SLC30A3: variants seen among roughly 807,000 people sequenced by gnomAD.
SLC30A3 encodes solute carrier family 30 member 3, also known as probable proton-coupled zinc antiporter SLC30A3.
SLC30A3 carries 20 observed loss-of-function variants against 35.6 expected under a neutral mutation model. The ratio of observed to expected loss-of-function variants is 0.56; its 90% CI spans 0.39 to 0.82. SLC30A3 has a LOEUF of 0.82. SLC30A3 is among the 40% of genes least tolerant of loss of function. The pLI is 0.00. For missense variants in SLC30A3, 401 were observed against 530.6 expected, an observed-to-expected ratio of 0.76 and a Z score of 2.40; for synonymous variants, 217 against 224.7, an observed-to-expected ratio of 0.97 and a Z score of 0.31.
upstream of SLC30A3, among the ~76,000 whole-genome samples, chr2:27,264,909 C>T (rs1240923862): frequency 5.9e-5 from 9 of 152,210 alleles, no homozygotes; most frequent in Admixed American, 5.2e-4. The surrounding 1 kb of genome is among the most constrained non-coding windows in gnomAD (Gnocchi z 6.1). Flanking sequence ...CCGGCGCCGT[C>T]GGTTTTCTAA....
Position 27,258,989 on chromosome 2 carries a change from C to T in SLC30A3, c.96-55G>A. On this transcript the variant is annotated intron_variant, in intron 1 of 7. Transcript: ENST00000233535. The surrounding 1 kb of genome is among the most constrained non-coding windows in gnomAD (Gnocchi z 4.0). The stretch of plus-strand genomic sequence containing the variant: ...CCTGGCCCACAGGCTGGCCTGCTCA[C>T]TCCACGTCCTTAGTCCCCAGTGCTG... 7.0e-7 allele frequency: 1 copy of T among 1,419,214 alleles called. No homozygotes were observed. The highest frequency in any genetic ancestry group is 1.4e-5 in the South Asian group (1 of 72,454). The allele number at this position is 1,419,214 out of a possible 1,614,324, so 87.9% of individuals were successfully genotyped here.
chr2:27,259,632 T>C (rs754921048), intron 1 of SLC30A3, among the ~76,000 whole-genome samples: 172 of 152,200 alleles, frequency 1.1e-3, no homozygotes, highest in Middle Eastern at 3.4e-3. Flanking sequence ...GGATTATAGG[T>C]GTGAGCCACC....
Position 27,258,694 on chromosome 2 carries a change from G to A in SLC30A3, c.277+59C>T, listed in dbSNP as rs1677011332. On this transcript the variant is annotated intron_variant, in intron 2 of 7. Coordinates refer to ENST00000233535, the MANE Select transcript of SLC30A3 (RefSeq NM_003459.5). The surrounding 1 kb of genome is among the most constrained non-coding windows in gnomAD (Gnocchi z 4.0). ...CAGGAACATTCCTGGGACTCTGGGT[G>A]GAGAGTGGCTTGGGCAGGTATTTGG... The A allele has an allele frequency of 6.4e-7, 1 of 1,561,544 alleles. No homozygotes were observed. The highest frequency in any genetic ancestry group is 8.8e-7 in the Non-Finnish European group (1 of 1,134,518).
chr2:27,259,028 A>G, intron 1 of SLC30A3, 94 bp from the exon 2 acceptor site: 1 of 1,001,806 alleles, frequency 1.0e-6, no homozygotes, highest in East Asian at 2.6e-5. Context: ...TCATCAGACC[A>G]TCTCCTTCCC....
intron 1 of SLC30A3, 95 bp from the exon 2 acceptor site, chr2:27,259,029 TCTC>T: frequency 3.0e-6 from 3 of 996,490 alleles, no homozygotes; most frequent in Non-Finnish European, 4.4e-6. Context: ...CATCAGACCA[TCTC>T]CTTCCCCAGG....
chr2:27,267,585 CT>C (rs1031960200), upstream of SLC30A3, among the ~76,000 whole-genome samples: 8 of 152,198 alleles, frequency 5.3e-5, no homozygotes, highest in African/African-American at 1.9e-4. Context: ...TCCTCACATG[CT>C]TCAGGTCTTG....
rs1384702067 is a variant in SLC30A3 at position 27,262,431 on chromosome 2, G to A, written c.95+381C>T. ...GAGGGAGCTCTGAAGCCTGGGCAGC[G>A]AGGCGCTCCCGCCCTGGGCCCGGGG... On this transcript the variant is annotated intron_variant, in intron 1 of 7. Coordinates refer to ENST00000233535, the MANE Select transcript of SLC30A3 (RefSeq NM_003459.5). The surrounding 1 kb of genome is among the most constrained non-coding windows in gnomAD (Gnocchi z 7.5). Among the ~76,000 whole-genome samples the A allele has an allele frequency of 6.6e-6, 1 of 151,944 alleles. No individual in the cohort carries two copies. The highest frequency in any genetic ancestry group is 1.5e-5 in the Non-Finnish European group (1 of 67,948).
At position 27,257,953 on chromosome 2, in the gene SLC30A3, C is replaced by G. The variant is rs1676961227; in HGVS notation, c.530G>C (p.Gly177Ala). The G allele has an allele frequency of 6.2e-7, 1 of 1,614,076 alleles. No homozygotes were observed. Among genetic ancestry groups the G allele is most frequent in the Non-Finnish European group, 8.5e-7 (1 of 1,180,036 alleles). ...RLLHSDYHIE[G>A]GAMLLTASIA... ...GCTGGCGGTCAGCAGCATGGCACCC[C>G]CCTCGATGTGGTAGTCGCTGTGCAG... The change falls in exon 4 of 8, where the codon GGG becomes GCG. Residue 177 changes from glycine (G) to alanine (A), a missense_variant. Gly to Ala is a moderately conservative substitution (Grantham distance 60). Coordinates refer to ENST00000233535, the MANE Select transcript of SLC30A3 (RefSeq NM_003459.5). The surrounding 1 kb of genome is among the most constrained non-coding windows in gnomAD (Gnocchi z 4.7).
chr2:27,263,179 GC>G (rs751525149), upstream of SLC30A3: 3 of 1,053,204 alleles, frequency 2.8e-6, no homozygotes, highest in East Asian at 4.1e-5. Context: ...CACTGCCAAA[GC>G]CCCATTTCCC....
Position 27,255,140 on chromosome 2 carries a change from T to C in SLC30A3, c.*172A>G. The C allele has an allele frequency of 6.4e-7, 1 of 1,562,942 alleles. No homozygotes were observed. The highest frequency in any genetic ancestry group is 1.2e-5 in the South Asian group (1 of 86,792). ...CCCACTCCCCGCCACACTTTGGTCT[T>C]GCCCACTGGGGCTGGGGCTGGGGCT... On this transcript the variant is annotated 3_prime_UTR_variant, in exon 8 of 8. Coordinates refer to ENST00000233535, the MANE Select transcript of SLC30A3 (RefSeq NM_003459.5). This position sits in a 1 kb window ranked among gnomAD's most constrained non-coding sequence, Gnocchi z 5.2.
rs138009195 is a variant in SLC30A3, at chr2:27,257,262, C to A, written c.669G>T (p.Glu223Asp). The part of the protein sequence containing the change: ...EYAPLEEGPE[E>D]PLPLGNTSVR... ...CGCTGGTGTTCCCCAGGGGCAGGGG[C>A]TCTTCAGGCCCCTCCTCCAGCGGTG... Residue 223 changes from glutamate to aspartate, a missense_variant, in exon 5 of 8, where the codon GAG becomes GAT. Glu to Asp is a conservative substitution (Grantham distance 45). Coordinates refer to ENST00000233535, the MANE Select transcript of SLC30A3 (RefSeq NM_003459.5). The surrounding 1 kb of genome is among the most constrained non-coding windows in gnomAD (Gnocchi z 4.7). 4 of 1,614,046 alleles carry A rather than the reference C, an allele frequency of 2.5e-6. No homozygotes were observed. The highest frequency in any genetic ancestry group is 2.7e-5 in the African/African-American group (2 of 75,026).
chr2:27,265,412 A>G (rs1388198298), upstream of SLC30A3, among the ~76,000 whole-genome samples: 3 of 152,256 alleles, frequency 2.0e-5, no homozygotes, highest in African/African-American at 7.2e-5. This position sits in a 1 kb window ranked among gnomAD's most constrained non-coding sequence, Gnocchi z 5.9. Flanking sequence ...AGAGCTATCA[A>G]ATGGCCCTGT....
chr2:27,257,244 G>A lies in SLC30A3; in HGVS notation c.687C>T (p.Asn229=). 2 of 1,614,084 alleles carry A rather than the reference G, an allele frequency of 1.2e-6. No individual in the cohort carries two copies. Among genetic ancestry groups the A allele is most frequent in the Non-Finnish European group, 8.5e-7 (1 of 1,179,980 alleles). ...GCACAAATGCCGCCCGGACGCTGGT[G>A]TTCCCCAGGGGCAGGGGCTCTTCAG... ...EGPEEPLPLG[N]TSVRAAFVHV... The change falls in exon 5 of 8, where the codon AAC becomes AAT. Residue 229 remains asparagine, a synonymous_variant. Transcript: ENST00000233535. The surrounding 1 kb of genome is among the most constrained non-coding windows in gnomAD (Gnocchi z 4.7).
rs1396709871 is a variant in SLC30A3, at chr2:27,275,041, GC to G, written c.-159+135del. ...GAATGATGGAGTGTCAGGAACAGGG[GC>G]ATATGAGTTGGGTCTTCCAGGTTGT... is the stretch of plus-strand genomic sequence containing the variant. On this transcript the variant is annotated intron_variant, in intron 1 of 5. Coordinates refer to the SLC30A3 transcript ENST00000424577. 3 of 427,874 alleles carry G rather than the reference GC, an allele frequency of 7.0e-6. No homozygotes were observed. In the Admixed American group the frequency reaches 8.1e-5, roughly 12 times the overall value. 26.5% of individuals were successfully genotyped at this position (427,874 alleles called of 1,614,324 possible). A position where few individuals can be genotyped will look rare whatever the true frequency, so the allele number is the denominator to read the frequency against.
chr2:27,263,077 C>T, upstream of SLC30A3: 2 of 1,349,948 alleles, frequency 1.5e-6, no homozygotes, highest in Non-Finnish European at 1.9e-6. Flanking sequence ...CTGCAGATCC[C>T]GCTGCCGCCG....
intron 6 of SLC30A3, 73 bp from the exon 7 acceptor site, chr2:27,256,593 T>G: frequency 1.3e-6 from 2 of 1,591,134 alleles, no homozygotes; most frequent in South Asian, 2.2e-5. Context: ...ACCACTGGAT[T>G]CCACCTCCCC....
At position 27,255,181 on chromosome 2, in the gene SLC30A3, G is replaced by A. The variant is rs758087942; in HGVS notation, c.*131C>T. 5 of 1,594,306 alleles carry A rather than the reference G, an allele frequency of 3.1e-6. No individual in the cohort carries two copies. The South Asian group carries it at 3.3e-5, about 11-fold the overall frequency. The stretch of plus-strand genomic sequence containing the variant: ...GGCTGGGGCTGAGGCTGGGGAAACT[G>A]GCAGGTGGTAGGAGGGAGAGAGGAA... On this transcript the variant is annotated 3_prime_UTR_variant, in exon 8 of 8. Transcript: ENST00000233535. The surrounding 1 kb of genome is among the most constrained non-coding windows in gnomAD (Gnocchi z 5.2).
At chr2:27,259,300 C>T (rs1265242739) in intron 1 of SLC30A3, among the ~76,000 whole-genome samples, 5 of 152,170 alleles carry the variant, frequency 3.3e-5, no homozygotes, top group Admixed American at 2.6e-4. Context: ...CGAGACCATC[C>T]TGGCCAACAT....
In SLC30A3 at chr2:27,262,689, G is replaced by T; in HGVS notation, c.95+123C>A. The T allele has an allele frequency of 1.1e-6, 1 of 947,544 alleles. No individual in the cohort carries two copies. The highest frequency in any genetic ancestry group is 1.5e-6 in the Non-Finnish European group (1 of 671,296). 58.7% of individuals were successfully genotyped at this position (947,544 alleles called of 1,614,324 possible). On this transcript the variant is annotated intron_variant, in intron 1 of 7. Transcript: ENST00000233535. The surrounding 1 kb of genome is among the most constrained non-coding windows in gnomAD (Gnocchi z 7.5). ...CAGAGGGGATGAAGCGGGGTGCAGCGGAGCGAGGGACCCGCGGTGCGCTGG... is the reference window on the plus strand; with the variant it reads ...CAGAGGGGATGAAGCGGGGTGCAGCTGAGCGAGGGACCCGCGGTGCGCTGG...
Sources: gnomAD v4.1 joint callset for allele counts (sites outside exome capture counted in the v4.1 genomes callset) on GRCh38, gnomAD v4.1.1 for gene constraint, Gnocchi (gnomAD v3.1) non-coding constraint, MANE v1.5 for transcripts, NCBI Gene and HGNC (gene_info 2026-07-23, HGNC 2026-07-21) for gene names.